Variants in MDGA2 observed in about 807,000 individuals in gnomAD.
The protein encoded by MDGA2 is MAM domain-containing glycosylphosphatidylinositol anchor protein 2.
A neutral mutation model predicts 117.8 loss-of-function variants in MDGA2; 40 were observed. The ratio of observed to expected loss-of-function variants is 0.34; its 90% confidence interval spans 0.26 to 0.44. The LOEUF is 0.44. Among genes scored for constraint, MDGA2 ranks in the 20% least tolerant of loss-of-function variants. The pLI is 1.00. For missense variants in MDGA2, 1,123 were observed against 1,250.6 expected (o/e 0.90, Z 1.54); for synonymous variants, 452 against 439.0 (o/e 1.03, Z -0.37).
At chr14:47,190,170 T>C (rs140539361) in intron 3 of MDGA2, among the ~76,000 whole-genome samples, 1 of 152,294 alleles carries the variant, frequency 6.6e-6, no homozygotes, top group Non-Finnish European at 1.5e-5. Flanking sequence ...GATCTTCCTT[T>C]TGTTTCCGTA....
chr14:46,921,285 A>G (rs1884118577), intron 9 of MDGA2, among the ~76,000 whole-genome samples: 1 of 152,080 alleles, frequency 6.6e-6, no homozygotes, highest in South Asian at 2.1e-4. Flanking sequence ...CTCATTTAAC[A>G]TCTTTTCTTT....
At chr14:47,250,867 G>A (rs1887422213) in intron 2 of MDGA2, among the ~76,000 whole-genome samples, 1 of 152,172 alleles carries the variant, frequency 6.6e-6, no homozygotes, top group South Asian at 2.1e-4. Flanking sequence ...ATTGAAAGAT[G>A]GGGTTTATGT....
At chr14:47,604,011 G>T (rs924399968) in intron 1 of MDGA2, among the ~76,000 whole-genome samples, 1 of 152,146 alleles carries the variant, frequency 6.6e-6, no homozygotes, top group Non-Finnish European at 1.5e-5. Flanking sequence ...CTGAGCAGGT[G>T]CCGGTGCCAT....
intron 1 of MDGA2, among the ~76,000 whole-genome samples, chr14:47,421,076 T>C (rs772246898): frequency 2.6e-5 from 4 of 152,044 alleles, no homozygotes; most frequent in Non-Finnish European, 5.9e-5. Flanking sequence ...AAAACACACA[T>C]ATTATGTCAA....
Position 46,957,496 on chromosome 14 carries a change from T to C in MDGA2, c.1967A>G (p.Gln656Arg), listed in dbSNP as rs1348802614. The C allele has an allele frequency of 2.5e-6, 4 of 1,614,110 alleles. No individual in the cohort carries two copies. The East Asian group carries it at 8.9e-5, about 36-fold the overall frequency. Residue 656 changes from glutamine (Q) to arginine (R), a missense_variant, in exon 9 of 17, where the codon CAA (glutamine) becomes CGA (arginine). Around this residue, in one of 2 missense-constraint regions of MDGA2, gnomAD observed 890 missense variants for 1,050.3 expected, o/e 0.85. Coordinates refer to ENST00000399232, the MANE Select transcript of MDGA2 (RefSeq NM_001113498.3). ...RLGNKLLRTG[Q>R]FDSQEYTEYA... ...CTCTGTGTATTCCTGAGAGTCAAAT[T>C]GACCCGTCCGTAATAATTTATTGCC...
chr14:47,017,996 T>C (rs900046761), intron 8 of MDGA2, among the ~76,000 whole-genome samples: 1 of 152,172 alleles, frequency 6.6e-6, no homozygotes, highest in Non-Finnish European at 1.5e-5. Context: ...TTATCTTCGA[T>C]AGTCCTTCCT....
In MDGA2 at chr14:47,235,587, G is replaced by A. The variant is rs150496616; in HGVS notation, c.421-17392C>T. Among the ~76,000 whole-genome samples, 788 of 152,256 alleles carry A rather than the reference G, an allele frequency of 5.2e-3. 8 individuals are homozygous for A. The highest frequency in any genetic ancestry group is 7.1e-3 in the Non-Finnish European group (485 of 68,022). On this transcript the variant is annotated intron_variant, in intron 2 of 16. Coordinates refer to ENST00000399232, the MANE Select transcript of MDGA2 (RefSeq NM_001113498.3). The stretch of plus-strand genomic sequence containing the variant: ...TAGAGTACTGACATTTTCTTTGAGA[G>A]GTGCAAGCTCAGGAAATGAAGATGA...
At chr14:47,618,731 C>T (rs1006788732) in intron 1 of MDGA2, among the ~76,000 whole-genome samples, 2 of 152,058 alleles carry the variant, frequency 1.3e-5, no homozygotes, top group Non-Finnish European at 1.5e-5. Flanking sequence ...GGAACATGAA[C>T]GAAATTAGAT....
intron 5 of MDGA2, among the ~76,000 whole-genome samples, chr14:47,118,976 A>AATAGG (rs1881480548): frequency 6.6e-6 from 1 of 151,938 alleles, no homozygotes; most frequent in African/African-American, 2.4e-5. Context: ...AGCCTTGAGC[A>AATAGG]ATCCTCCTGC....
intron 8 of MDGA2, among the ~76,000 whole-genome samples, chr14:46,984,284 G>T (rs1886787911): frequency 2.0e-5 from 3 of 151,894 alleles, no homozygotes; most frequent in East Asian, 1.9e-4. Flanking sequence ...ATAATGTTCA[G>T]TAGAAGTATT....
At chr14:47,415,063 CTAA>C (rs1251912131) in intron 1 of MDGA2, among the ~76,000 whole-genome samples, 1 of 152,038 alleles carries the variant, frequency 6.6e-6, no homozygotes, top group African/African-American at 2.4e-5. Context: ...CACCAATAAA[CTAA>C]TGTTACTATT....
intron 5 of MDGA2, among the ~76,000 whole-genome samples, chr14:47,117,572 A>G (rs57173236): frequency 0.14 from 20,908 of 152,146 alleles, 1,666 homozygotes; most frequent in African/African-American, 0.19. Flanking sequence ...ATTTGGCCTG[A>G]AAAAATAAGC....
intron 1 of MDGA2, among the ~76,000 whole-genome samples, chr14:47,470,907 T>C (rs1039725686): frequency 6.6e-6 from 1 of 152,176 alleles, no homozygotes; most frequent in Admixed American, 6.6e-5. Context: ...CCCTTAAAGT[T>C]TATAGGAAAT....
intron 9 of MDGA2, among the ~76,000 whole-genome samples, chr14:46,944,919 T>C (rs962975194): frequency 6.6e-6 from 1 of 152,082 alleles, no homozygotes; most frequent in African/African-American, 2.4e-5. Flanking sequence ...TGAAGCTTTT[T>C]GCTAAATCCA....
intron 1 of MDGA2, among the ~76,000 whole-genome samples, chr14:47,415,382 G>A (rs560522324): frequency 6.6e-6 from 1 of 152,116 alleles, no homozygotes; most frequent in East Asian, 1.9e-4. Flanking sequence ...ATATTCACAA[G>A]TACCCCCCTT....
At chr14:47,246,274 G>T (rs907027118) in intron 2 of MDGA2, among the ~76,000 whole-genome samples, 1 of 151,790 alleles carries the variant, frequency 6.6e-6, no homozygotes, top group Admixed American at 6.6e-5. Flanking sequence ...TTTGTTCCCA[G>T]TAATAGCTAG....
At chr14:47,597,526 T>C (rs1229057910) in intron 1 of MDGA2, among the ~76,000 whole-genome samples, 1 of 152,044 alleles carries the variant, frequency 6.6e-6, no homozygotes, top group African/African-American at 2.4e-5. Flanking sequence ...ATTAAGTCTT[T>C]TAACTTTGTA....
At chr14:47,068,419 T>A (rs200465227) in intron 6 of MDGA2, among the ~76,000 whole-genome samples, 497 of 146,552 alleles carry the variant, frequency 3.4e-3, no homozygotes, top group East Asian at 8.0e-3. Context: ...AAAAAAAAAA[T>A]ATATATATAT....
Position 47,127,677 on chromosome 14 carries a change from A to T in MDGA2, c.925+4037T>A, listed in dbSNP as rs908866716. Among the ~76,000 whole-genome samples, 16 of 152,306 alleles carry T rather than the reference A, an allele frequency of 1.1e-4. No individual in the cohort carries two copies. In the East Asian group the frequency reaches 2.5e-3, roughly 24 times the overall value. ...AGGTTTTTATGTTTGCCCAGTCTAGATACATATTAGCTGAAAAATAAAAAA... is the reference window on the plus strand; with the variant it reads ...AGGTTTTTATGTTTGCCCAGTCTAGTTACATATTAGCTGAAAAATAAAAAA... On this transcript the variant is annotated intron_variant, in intron 5 of 16. Coordinates refer to ENST00000399232, the MANE Select transcript of MDGA2 (RefSeq NM_001113498.3).
Sources: gnomAD v4.1 joint callset for allele counts (sites outside exome capture counted in the v4.1 genomes callset) on GRCh38, gnomAD v4.1.1 for gene constraint, gnomAD v4.1.1 regional missense constraint, MANE v1.5 for transcripts, NCBI Gene and HGNC (gene_info 2026-07-23, HGNC 2026-07-21) for gene names.